PRLR: variants seen among roughly 807,000 people sequenced by gnomAD.
PRLR encodes the protein prolactin receptor, also known as hPRL receptor.
PRLR carries 13 observed loss-of-function variants against 40.2 expected under a neutral mutation model. The ratio of observed to expected loss-of-function variants is 0.32; its 90% CI spans 0.21 to 0.51. PRLR has a LOEUF of 0.51. Among genes scored for constraint, PRLR ranks in the 20% least tolerant of loss-of-function variants. PRLR has a pLI of 0.97. For missense variants in PRLR, 656 were observed against 747.3 expected (o/e 0.88, Z 1.42); for synonymous variants, 269 against 278.7 (o/e 0.97, Z 0.35).
rs1768831854 is a variant in PRLR, at chr5:35,058,274, A to G, written c.*6815T>C. The stretch of plus-strand genomic sequence containing the variant: ...GGTAGCTTTGAAAATGTGGAACCTT[A>G]TGCTATTATGTATAACTTCACTTCA... On this transcript the variant is annotated 3_prime_UTR_variant, in exon 10 of 10. Coordinates refer to ENST00000618457, the MANE Select transcript of PRLR (RefSeq NM_000949.7). 1 of 152,212 alleles carries G rather than the reference A, an allele frequency of 6.6e-6. No individual in the cohort carries two copies. Among genetic ancestry groups the G allele is most frequent in the Admixed American group, 6.5e-5 (1 of 15,284 alleles). 9.4% of individuals were successfully genotyped at this position (152,212 alleles called of 1,614,324 possible).
intron 1 of PRLR, among the ~76,000 whole-genome samples, chr5:35,182,884 C>A (rs942068641): frequency 6.6e-6 from 1 of 152,216 alleles, no homozygotes. Flanking sequence ...GTTAGCATTC[C>A]TGTTTCTCAG....
chr5:35,156,523 G>T (rs1013736662), intron 1 of PRLR, among the ~76,000 whole-genome samples: 1 of 152,170 alleles, frequency 6.6e-6, no homozygotes, highest in African/African-American at 2.4e-5. Context: ...TGGCCTCCAG[G>T]CATCCCTCTG....
chr5:35,108,352 T>C (rs1331678863), intron 2 of PRLR, among the ~76,000 whole-genome samples: 6 of 152,112 alleles, frequency 3.9e-5, no homozygotes, highest in African/African-American at 1.4e-4. Flanking sequence ...CTATTCAACA[T>C]AGTATTGGAA....
At chr5:35,108,489 C>T (rs1157641300) in intron 2 of PRLR, among the ~76,000 whole-genome samples, 1 of 152,124 alleles carries the variant, frequency 6.6e-6, no homozygotes, top group Non-Finnish European at 1.5e-5. Context: ...CGTCTCAGCC[C>T]AAAAGCTGAT....
intron 2 of PRLR, among the ~76,000 whole-genome samples, chr5:35,101,734 AAACATATATAT>A (rs1223231965): frequency 2.0e-5 from 3 of 148,592 alleles, no homozygotes; most frequent in Non-Finnish European, 4.5e-5. Context: ...AACATATATA[AAACATATATAT>A]AACATATATA....
chr5:35,049,207 T>C (rs747061051), exon 9 of PRLR: 1 of 701,448 alleles, frequency 1.4e-6, no homozygotes, highest in South Asian at 1.5e-5. Context: ...AGCATCTCCC[T>C]GGGGTGCACA....
At chr5:35,121,355 G>A (rs1296023151) in intron 1 of PRLR, among the ~76,000 whole-genome samples, 2 of 152,154 alleles carry the variant, frequency 1.3e-5, no homozygotes, top group East Asian at 1.9e-4. Context: ...TCAGTTCTAC[G>A]TTCCTAGAGG....
intron 1 of PRLR, among the ~76,000 whole-genome samples, chr5:35,197,729 G>T (rs1380320669): frequency 1.3e-5 from 2 of 152,200 alleles, no homozygotes; most frequent in African/African-American, 4.8e-5. Context: ...CCACAAAGAA[G>T]CCTCCCCAAC....
chr5:35,141,804 C>A (rs1472906343), intron 1 of PRLR, among the ~76,000 whole-genome samples: 1 of 152,132 alleles, frequency 6.6e-6, no homozygotes, highest in Non-Finnish European at 1.5e-5. Flanking sequence ...GGACTATGCC[C>A]TCCCACCCCC....
chr5:35,084,639 T>C lies in PRLR; in HGVS notation c.204A>G (p.Gly68=). ...TNYSLTYHRE[G]ETLMHECPDY... ...CTGGACATTCATGCATGAGTGTCTCTCTGCAATAAGTAATGTATTAGGAAT... is the reference window on the plus strand; with the variant it reads ...CTGGACATTCATGCATGAGTGTCTCCCTGCAATAAGTAATGTATTAGGAAT... The change falls in exon 5 of 10, where the codon GGA becomes GGG. Residue 68 remains glycine, a splice_region_variant and synonymous_variant. Transcript: ENST00000618457. 6.2e-7 allele frequency: 1 copy of C among 1,608,684 alleles called. No homozygotes were observed.
At chr5:35,136,094 A>C (rs1281643822) in intron 1 of PRLR, among the ~76,000 whole-genome samples, 8 of 152,334 alleles carry the variant, frequency 5.3e-5, no homozygotes, top group African/African-American at 1.7e-4. Flanking sequence ...TGAGGTAGGG[A>C]AATCATACGC....
chr5:35,088,167 C>G (rs1287992891), intron 3 of PRLR, among the ~76,000 whole-genome samples: 1 of 152,184 alleles, frequency 6.6e-6, no homozygotes, highest in African/African-American at 2.4e-5. Context: ...CCCAGGACAC[C>G]AGGCTAGTAG....
intron 1 of PRLR, among the ~76,000 whole-genome samples, chr5:35,176,580 G>A (rs1775154766): frequency 6.6e-6 from 1 of 152,208 alleles, no homozygotes; most frequent in Non-Finnish European, 1.5e-5. Flanking sequence ...ATTAAGGGCG[G>A]TGCAAGATGT....
At chr5:35,227,648 G>C (rs771298408) in intron 1 of PRLR, among the ~76,000 whole-genome samples, 6 of 152,160 alleles carry the variant, frequency 3.9e-5, no homozygotes, top group Non-Finnish European at 7.3e-5. Flanking sequence ...TTCCTTTTAA[G>C]TTTCCGATGT....
intron 1 of PRLR, among the ~76,000 whole-genome samples, chr5:35,224,613 G>T (rs1776505039): frequency 6.6e-6 from 1 of 152,176 alleles, no homozygotes; most frequent in Non-Finnish European, 1.5e-5. Context: ...TTGTATTCAG[G>T]TTATCAATCA....
At chr5:35,164,785 G>T (rs1178981313) in intron 1 of PRLR, among the ~76,000 whole-genome samples, 3 of 152,202 alleles carry the variant, frequency 2.0e-5, no homozygotes, top group Non-Finnish European at 4.4e-5. Flanking sequence ...ACTCAGTCCA[G>T]TTCAGAGTTG....
rs183816344 is a variant in PRLR at position 35,193,728 on chromosome 5, C to A, written c.-106+36540G>T. Reference sequence around the variant, plus strand: ...TTGCACAGATGTTCTCTCCGAACATCTGGAGGGCACAGCTGCCGCATCATC... The same window carrying A: ...TTGCACAGATGTTCTCTCCGAACATATGGAGGGCACAGCTGCCGCATCATC... On this transcript the variant is annotated intron_variant, in intron 1 of 9. Transcript: ENST00000618457. Among the ~76,000 whole-genome samples, 6 of 152,310 alleles carry A rather than the reference C, an allele frequency of 3.9e-5. No homozygotes were observed. The East Asian group carries it at 1.2e-3, about 29-fold the overall frequency.
chr5:35,202,473 G>A (rs1259124812), intron 1 of PRLR, among the ~76,000 whole-genome samples: 1 of 152,070 alleles, frequency 6.6e-6, no homozygotes, highest in African/African-American at 2.4e-5. Flanking sequence ...CCCTCAGTCC[G>A]TCCGTACTGT....
At chr5:35,219,778 G>A (rs1248967008) in intron 1 of PRLR, among the ~76,000 whole-genome samples, 1 of 152,170 alleles carries the variant, frequency 6.6e-6, no homozygotes, top group Admixed American at 6.6e-5. Context: ...CCCAGGCAGG[G>A]ATTTGTTTTG....
Sources: gnomAD v4.1 joint callset for allele counts (sites outside exome capture counted in the v4.1 genomes callset) on GRCh38, gnomAD v4.1.1 for gene constraint, MANE v1.5 for transcripts, NCBI Gene and HGNC (gene_info 2026-07-23, HGNC 2026-07-21) for gene names.